CCNK: variants seen among roughly 807,000 people sequenced by gnomAD.
CCNK encodes cyclin-K.
In CCNK, 9 loss-of-function variants were observed where a neutral mutation model predicts 65.0. That is an observed-to-expected ratio of 0.14 (90% CI 0.08 to 0.24). The LOEUF (loss-of-function observed/expected upper bound fraction) is 0.24, where lower values mean the gene tolerates loss of function less well. Ranked by LOEUF, CCNK falls within the 10% of genes least tolerant of loss-of-function variation. The probability of loss-of-function intolerance (pLI) is 1.00; values close to 1 mark genes in which losing one functional copy is unlikely to be tolerated. For missense variants in CCNK, 474 were observed against 720.0 expected, an observed-to-expected ratio of 0.66 and a Z score of 3.91; for synonymous variants, 279 against 270.8, an observed-to-expected ratio of 1.03 and a Z score of -0.30.
At position 99,502,819 on chromosome 14, in the gene CCNK, A is replaced by G. The variant is rs1336586522; in HGVS notation, c.846A>G (p.Thr282=). The change falls in exon 8 of 11, where the codon ACA becomes ACG. Residue 282 remains threonine, a synonymous_variant. Coordinates refer to ENST00000389879, the MANE Select transcript of CCNK (RefSeq NM_001099402.2). The part of the protein sequence containing the change: ...QLQQPPSLQP[T]PQVPQVQQSQ... ...AACAGCCCCCATCTCTTCAGCCTACACCACAAGTGCCGCAAGTACAGCAGT... is the reference window on the plus strand; with the variant it reads ...AACAGCCCCCATCTCTTCAGCCTACGCCACAAGTGCCGCAAGTACAGCAGT... The G allele has an allele frequency of 1.2e-6, 2 of 1,613,590 alleles. No individual in the cohort carries two copies. The highest frequency in any genetic ancestry group is 2.2e-5 in the South Asian group (2 of 91,034).
intron 1 of CCNK, among the ~76,000 whole-genome samples, chr14:99,483,844 G>A (rs368014619): frequency 1.8e-4 from 27 of 152,174 alleles, no homozygotes; most frequent in East Asian, 1.3e-3. Context: ...GCCCTTACTC[G>A]GATTAACACT....
At chr14:99,481,532 G>C (rs1038981241) in intron 1 of CCNK, 53 bp downstream of exon 1, 1 of 398,534 alleles carries the variant, frequency 2.5e-6, no homozygotes, top group South Asian at 1.3e-4. Context: ...CGTATCTGGA[G>C]GTCGGAGTAG....
intron 9 of CCNK, chr14:99,504,296 T>C (rs1411239271): frequency 2.6e-5 from 4 of 155,858 alleles, no homozygotes; most frequent in African/African-American, 7.2e-5. Context: ...TCTTTGTTAC[T>C]TGGTTCTTAG....
At chr14:99,509,852 G>C in intron 10 of CCNK, 1 of 459,930 alleles carries the variant, frequency 2.2e-6, no homozygotes, top group Non-Finnish European at 3.8e-6. Context: ...ACTAGGAAGA[G>C]GGGGCTGGGG....
In CCNK at chr14:99,502,591, A is replaced by G; in HGVS notation, c.746-128A>G. The G allele has an allele frequency of 3.3e-6, 4 of 1,201,676 alleles. No homozygotes were observed. The South Asian group carries it at 6.0e-5, about 18-fold the overall frequency. 74.4% of individuals were successfully genotyped at this position (1,201,676 alleles called of 1,614,324 possible). On this transcript the variant is annotated intron_variant, in intron 7 of 10. Transcript: ENST00000389879. ...CACACCAGTGTTGCACACAACGAAGATGGGGTGAGTTGTAAATGTGATTCA... is the reference window on the plus strand; with the variant it reads ...CACACCAGTGTTGCACACAACGAAGGTGGGGTGAGTTGTAAATGTGATTCA...
intron 4 of CCNK, among the ~76,000 whole-genome samples, chr14:99,498,134 C>CAGCTGGT (rs1403584543): frequency 6.6e-6 from 1 of 152,210 alleles, no homozygotes; most frequent in East Asian, 1.9e-4. Flanking sequence ...AGGGCATGGA[C>CAGCTGGT]TCGTGGCAGC....
chr14:99,503,223 A>T, intron 8 of CCNK: 1 of 675,844 alleles, frequency 1.5e-6, no homozygotes, highest in Non-Finnish European at 2.7e-6. Context: ...TGCCTGTTTC[A>T]TCCCTGCCAG....
At chr14:99,492,935 A>T in intron 2 of CCNK, 61 bp downstream of exon 2, 1 of 1,329,638 alleles carries the variant, frequency 7.5e-7, no homozygotes, top group Non-Finnish European at 1.0e-6. Flanking sequence ...CCAAGAAATA[A>T]TTAGATTCTG....
chr14:99,493,734 A>G, intron 3 of CCNK, 139 bp downstream of exon 3: 1 of 517,262 alleles, frequency 1.9e-6, no homozygotes, highest in Non-Finnish European at 3.3e-6. Flanking sequence ...GCATATAAAC[A>G]AAATCAAGTT....
intron 3 of CCNK, 66 bp downstream of exon 3, chr14:99,493,661 T>A: frequency 9.4e-7 from 1 of 1,058,234 alleles, no homozygotes; most frequent in Non-Finnish European, 1.4e-6. Flanking sequence ...TTTGGTGGAC[T>A]AATTATAAGC....
intron 3 of CCNK, chr14:99,493,886 A>G (rs1025407459): frequency 3.9e-6 from 1 of 257,452 alleles, no homozygotes; most frequent in African/African-American, 2.2e-5. Context: ...TTGAGACTCA[A>G]CAAAGACCAA....
At chr14:99,489,257 G>T (rs8019835) in intron 1 of CCNK, among the ~76,000 whole-genome samples, 3,814 of 151,972 alleles carry the variant, frequency 0.025, 161 homozygotes, top group African/African-American at 0.087. Context: ...GAAAATCTTG[G>T]TTCCTAACAA....
At chr14:99,486,755 A>G (rs1896495397) in intron 1 of CCNK, among the ~76,000 whole-genome samples, 2 of 152,136 alleles carry the variant, frequency 1.3e-5, no homozygotes, top group Admixed American at 1.3e-4. Context: ...TCCAGCTGCC[A>G]TTGTGTGGAG....
chr14:99,510,878 T>G lies in CCNK; in HGVS notation c.*96T>G. The G allele has an allele frequency of 9.4e-7, 1 of 1,065,942 alleles. No individual in the cohort carries two copies. Among genetic ancestry groups the G allele is most frequent in the East Asian group, 3.1e-5 (1 of 31,990 alleles). The allele number at this position is 1,065,942 out of a possible 1,614,324, so 66.0% of individuals were successfully genotyped here. On this transcript the variant is annotated 3_prime_UTR_variant, in exon 11 of 11. Transcript: ENST00000389879. ...GTAAGCAGCAGGGTACCTTGTATAATGCACGACAGTTGCAGTATGGGAAGA... is the reference window on the plus strand; with the variant it reads ...GTAAGCAGCAGGGTACCTTGTATAAGGCACGACAGTTGCAGTATGGGAAGA...
In CCNK at chr14:99,510,519, T is replaced by G; in HGVS notation, c.1480T>G (p.Phe494Val). ...PPPVPPPPAS[F>V]PPPAIPPPTP... is the part of the protein sequence containing the mutation. ...ACCTGTGCCTCCTCCCCCAGCCTCCTTCCCCCCACCTGCCATCCCACCCCC... is the reference window on the plus strand; with the variant it reads ...ACCTGTGCCTCCTCCCCCAGCCTCCGTCCCCCCACCTGCCATCCCACCCCC... Residue 494 changes from phenylalanine (F) to valine (V), a missense_variant, in exon 11 of 11, where the codon TTC becomes GTC. Around this residue, in one of 6 missense-constraint regions of CCNK, gnomAD observed 38 missense variants for 19.2 expected, o/e 1.98. Coordinates refer to ENST00000389879, the MANE Select transcript of CCNK (RefSeq NM_001099402.2). The G allele has an allele frequency of 1.2e-5, 5 of 426,478 alleles. No individual in the cohort carries two copies. Among genetic ancestry groups the G allele is most frequent in the African/African-American group, 5.3e-5 (1 of 18,756 alleles). 26.4% of individuals were successfully genotyped at this position (426,478 alleles called of 1,614,324 possible). A position where few individuals can be genotyped will look rare whatever the true frequency, so the allele number is the denominator to read the frequency against.
At chr14:99,499,669 A>G (rs574938764) in intron 4 of CCNK, among the ~76,000 whole-genome samples, 1 of 152,312 alleles carries the variant, frequency 6.6e-6, no homozygotes, top group East Asian at 1.9e-4. Context: ...TCGGCTGTAC[A>G]GGGGCTGAGT....
At chr14:99,482,278 A>G (rs1259760089) in intron 1 of CCNK, among the ~76,000 whole-genome samples, 1 of 152,228 alleles carries the variant, frequency 6.6e-6, no homozygotes, top group Non-Finnish European at 1.5e-5. Flanking sequence ...GTGTATCTCG[A>G]TCTAAATCGC....
chr14:99,481,567 C>G, intron 1 of CCNK, 88 bp downstream of exon 1: 1 of 398,048 alleles, frequency 2.5e-6, no homozygotes, highest in Non-Finnish European at 4.4e-6. Context: ...CCGCTATCCA[C>G]TGGCGGAGTC....
At chr14:99,497,104 A>G (rs12889292) in intron 4 of CCNK, among the ~76,000 whole-genome samples, 1 of 151,692 alleles carries the variant, frequency 6.6e-6, no homozygotes, top group South Asian at 2.1e-4. Flanking sequence ...CATCACCCAG[A>G]GTCCAAACTT....
Sources: allele counts gnomAD v4.1 joint callset (sites outside exome capture counted in the v4.1 genomes callset), GRCh38; gene constraint gnomAD v4.1.1; regional missense constraint gnomAD v4.1.1; transcripts MANE v1.5; gene names NCBI Gene and HGNC (gene_info 2026-07-23, HGNC 2026-07-21).